EDIL3: variants seen among roughly 807,000 people sequenced by gnomAD.
The protein encoded by EDIL3 is EGF like and discoidin domains 3, also known as EGF-like repeat and discoidin I-like domain-containing protein 3.
A neutral mutation model predicts 67.4 loss-of-function variants in EDIL3; 37 were observed. The ratio of observed to expected loss-of-function variants is 0.55; its 90% CI spans 0.42 to 0.72. The LOEUF is 0.72. Ranked by LOEUF, EDIL3 falls within the 30% of genes least tolerant of loss-of-function variation. The probability of loss-of-function intolerance (pLI) is 0.00; values close to 1 mark genes in which losing one functional copy is unlikely to be tolerated. For missense variants in EDIL3, 527 were observed against 586.3 expected, an observed-to-expected ratio of 0.90 and a Z score of 1.04; for synonymous variants, 195 against 196.3, an observed-to-expected ratio of 0.99 and a Z score of 0.05.
intron 5 of EDIL3, among the ~76,000 whole-genome samples, chr5:84,132,870 CTA>C (rs1446923956): frequency 1.3e-5 from 2 of 151,736 alleles, no homozygotes; most frequent in African/African-American, 2.4e-5. Context: ...TTAGTCCTTA[CTA>C]GAAGATTTTA....
At chr5:84,327,427 T>C (rs1203953186) in intron 1 of EDIL3, among the ~76,000 whole-genome samples, 3 of 152,016 alleles carry the variant, frequency 2.0e-5, no homozygotes, top group Non-Finnish European at 4.4e-5. Context: ...TTTTTCATGC[T>C]TTTGACTCCA....
chr5:84,343,932 T>C (rs1490627424), intron 1 of EDIL3, among the ~76,000 whole-genome samples: 1 of 152,156 alleles, frequency 6.6e-6, no homozygotes, highest in African/African-American at 2.4e-5. Flanking sequence ...TAGTTTCAGG[T>C]TGAGTTCCCA....
intron 3 of EDIL3, among the ~76,000 whole-genome samples, chr5:84,219,419 T>C (rs573430825): frequency 1.3e-5 from 2 of 152,242 alleles, no homozygotes; most frequent in African/African-American, 4.8e-5. Flanking sequence ...ATCAGAGAAA[T>C]GCAAATCAAA....
At chr5:83,986,490 T>C (rs1019789903) in intron 9 of EDIL3, among the ~76,000 whole-genome samples, 12 of 152,182 alleles carry the variant, frequency 7.9e-5, no homozygotes, top group Non-Finnish European at 1.8e-4. Context: ...CACTTCATTA[T>C]GCTGCATGTT....
At chr5:84,071,567 G>T (rs1436262013) in intron 6 of EDIL3, among the ~76,000 whole-genome samples, 1 of 152,150 alleles carries the variant, frequency 6.6e-6, no homozygotes, top group Non-Finnish European at 1.5e-5. Flanking sequence ...ATTCCCAATG[G>T]AGTGGTTTCA....
In EDIL3 at chr5:83,943,292, A is replaced by G; in HGVS notation, c.*127T>C. On this transcript the variant is annotated 3_prime_UTR_variant, in exon 11 of 11. Coordinates refer to ENST00000296591, the MANE Select transcript of EDIL3 (RefSeq NM_005711.5). Reference sequence around the variant, plus strand: ...TTAAAAACACCGTTAGTTGCCTACCATAATTTGAGCACTTTTTCATGAAAA... The same window carrying G: ...TTAAAAACACCGTTAGTTGCCTACCGTAATTTGAGCACTTTTTCATGAAAA... 1.5e-6 allele frequency: 2 copies of G among 1,340,928 alleles called. No individual in the cohort carries two copies. Among genetic ancestry groups the G allele is most frequent in the Non-Finnish European group, 2.0e-6 (2 of 981,142 alleles). The allele number at this position is 1,340,928 out of a possible 1,614,324, so 83.1% of individuals were successfully genotyped here.
chr5:83,987,865 GTA>G (rs1375384408), intron 9 of EDIL3, among the ~76,000 whole-genome samples: 4 of 57,070 alleles, frequency 7.0e-5, no homozygotes, highest in African/African-American at 4.5e-4. Context: ...GTGTGTGTGT[GTA>G]TGTATATATA....
At chr5:83,990,077 A>G (rs1303245851) in intron 9 of EDIL3, among the ~76,000 whole-genome samples, 2 of 152,200 alleles carry the variant, frequency 1.3e-5, no homozygotes, top group African/African-American at 4.8e-5. Flanking sequence ...CTTAATTGCA[A>G]CCTTCTGAGG....
intron 1 of EDIL3, among the ~76,000 whole-genome samples, chr5:84,266,097 C>A (rs1163779225): frequency 2.6e-5 from 4 of 152,148 alleles, no homozygotes; most frequent in Non-Finnish European, 4.4e-5. Context: ...GGTTTTGTTA[C>A]CTCTCTGGGC....
At chr5:84,285,985 C>T (rs867746557) in intron 1 of EDIL3, among the ~76,000 whole-genome samples, 21 of 152,118 alleles carry the variant, frequency 1.4e-4, no homozygotes, top group African/African-American at 4.3e-4. Flanking sequence ...TTATTGCTGG[C>T]GGCCAGAATC....
At chr5:84,238,519 G>A (rs1193750205) in intron 2 of EDIL3, among the ~76,000 whole-genome samples, 5 of 151,896 alleles carry the variant, frequency 3.3e-5, no homozygotes, top group Admixed American at 3.3e-4. Flanking sequence ...CTCATCTCAA[G>A]GACACTAACC....
At chr5:84,117,359 T>C (rs1747689949) in intron 5 of EDIL3, among the ~76,000 whole-genome samples, 2 of 152,092 alleles carry the variant, frequency 1.3e-5, no homozygotes, top group South Asian at 2.1e-4. Context: ...ACAATATTTG[T>C]AGTAAAAACA....
chr5:84,307,498 A>G (rs1746295714), intron 1 of EDIL3, among the ~76,000 whole-genome samples: 1 of 152,244 alleles, frequency 6.6e-6, no homozygotes, highest in Non-Finnish European at 1.5e-5. Context: ...ACAAAAATAA[A>G]CAATAAAAAT....
intron 2 of EDIL3, among the ~76,000 whole-genome samples, chr5:84,239,942 T>C (rs1174965878): frequency 6.6e-6 from 1 of 152,190 alleles, no homozygotes; most frequent in Non-Finnish European, 1.5e-5. Context: ...AAATATTTTG[T>C]AGTTTCTCAT....
intron 4 of EDIL3, among the ~76,000 whole-genome samples, chr5:84,144,215 T>A (rs1052680141): frequency 6.6e-6 from 1 of 151,974 alleles, no homozygotes; most frequent in African/African-American, 2.4e-5. Flanking sequence ...AGCACATCCA[T>A]CCATCCACCC....
intron 9 of EDIL3, among the ~76,000 whole-genome samples, chr5:84,034,790 T>C (rs1451074885): frequency 6.6e-6 from 1 of 151,992 alleles, no homozygotes; most frequent in African/African-American, 2.4e-5. Flanking sequence ...GAGCTAGAAA[T>C]TTGAATTGCA....
chr5:84,016,948 C>CT (rs1745617567), intron 9 of EDIL3, among the ~76,000 whole-genome samples: 1 of 152,176 alleles, frequency 6.6e-6, no homozygotes, highest in Non-Finnish European at 1.5e-5. Flanking sequence ...AAGCCTGAGA[C>CT]TAGACACTTA....
chr5:84,377,029 T>C (rs1358122732), intron 1 of EDIL3, among the ~76,000 whole-genome samples: 4 of 152,060 alleles, frequency 2.6e-5, no homozygotes, highest in Non-Finnish European at 5.9e-5. Context: ...GAAAATGTGA[T>C]AAAGAGTGCA....
At chr5:84,272,658 A>T (rs1745500066) in intron 1 of EDIL3, among the ~76,000 whole-genome samples, 1 of 152,196 alleles carries the variant, frequency 6.6e-6, no homozygotes, top group Admixed American at 6.5e-5. Context: ...CAACTCATAA[A>T]TGGTATAATT....
Sources: allele counts gnomAD v4.1 joint callset (sites outside exome capture counted in the v4.1 genomes callset), GRCh38; gene constraint gnomAD v4.1.1; transcripts MANE v1.5; gene names NCBI Gene and HGNC (gene_info 2026-07-23, HGNC 2026-07-21).